AGAP1: variants seen among roughly 807,000 people sequenced by gnomAD.
AGAP1 encodes the protein ArfGAP with GTPase domain, ankyrin repeat and PH domain 1.
Under a neutral mutation model 105.3 loss-of-function variants are expected in AGAP1, and 29 were observed. The observed-to-expected ratio is 0.28, with a 90% CI of 0.21 to 0.38. AGAP1 has a LOEUF of 0.38. Among genes scored for constraint, AGAP1 ranks in the 10% least tolerant of loss-of-function variants. The probability of loss-of-function intolerance (pLI) is 1.00; values close to 1 mark genes in which losing one functional copy is unlikely to be tolerated. For missense variants in AGAP1, 998 were observed against 1,165.1 expected, an observed-to-expected ratio of 0.86 and a Z score of 2.09; for synonymous variants, 509 against 485.9, an observed-to-expected ratio of 1.05 and a Z score of -0.63.
At chr2:235,515,529 G>A (rs1942343329) in intron 1 of AGAP1, among the ~76,000 whole-genome samples, 1 of 152,172 alleles carries the variant, frequency 6.6e-6, no homozygotes, top group Admixed American at 6.5e-5. Flanking sequence ...GAAGGGCCTC[G>A]AGCTGTTCTG....
chr2:235,851,857 G>A (rs1373862614), intron 9 of AGAP1, among the ~76,000 whole-genome samples: 4 of 152,162 alleles, frequency 2.6e-5, no homozygotes, highest in African/African-American at 4.8e-5. Context: ...TCTGCAGTAC[G>A]CCAGAGGTAA....
chr2:235,834,691 C>T (rs963814194), intron 9 of AGAP1, among the ~76,000 whole-genome samples: 6 of 152,102 alleles, frequency 3.9e-5, no homozygotes, highest in Non-Finnish European at 7.4e-5. Context: ...GCGAGGTCCC[C>T]GTGAGAGGAT....
In AGAP1 at chr2:236,124,146, G is replaced by A. The variant is rs376283574; in HGVS notation, c.*24G>A. On this transcript the variant is annotated 3_prime_UTR_variant, in exon 18 of 18. Transcript: ENST00000304032. This position sits in a 1 kb window ranked among gnomAD's most constrained non-coding sequence, Gnocchi z 5.1. ...GAGGAACAGCCGTGCCCGCCTGCTC[G>A]CCGCACCTGGGACGCGGCAGCCTCG... 73 of 1,608,726 alleles carry A rather than the reference G, an allele frequency of 4.5e-5. No individual in the cohort carries two copies. Among genetic ancestry groups the A allele is most frequent in the Non-Finnish European group, 5.7e-5 (67 of 1,176,100 alleles).
In AGAP1 at chr2:235,874,376, C is replaced by T. The variant is rs898108388; in HGVS notation, c.1051-8969C>T. ...GAACCACATTCTTGAGCTGAGCTCC[C>T]GAGGGTACCTGGTGATGTAGAAGGA... On this transcript the variant is annotated intron_variant, in intron 9 of 17. Coordinates refer to ENST00000304032, the MANE Select transcript of AGAP1 (RefSeq NM_001037131.3). The surrounding 1 kb of genome is among the most constrained non-coding windows in gnomAD (Gnocchi z 4.5). Among the ~76,000 whole-genome samples the T allele has an allele frequency of 6.6e-6, 1 of 152,186 alleles. No individual in the cohort carries two copies. The highest frequency in any genetic ancestry group is 6.5e-5 in the Admixed American group (1 of 15,274).
chr2:235,750,452 A>G lies in AGAP1; in HGVS notation c.637A>G (p.Thr213Ala). The G allele has an allele frequency of 6.2e-7, 1 of 1,614,236 alleles. No homozygotes were observed. The highest frequency in any genetic ancestry group is 8.5e-7 in the Non-Finnish European group (1 of 1,180,030). The change falls in exon 6 of 18, where the codon ACA becomes GCA. Residue 213 changes from threonine to alanine, a missense_variant. Transcript: ENST00000304032. This position sits in a 1 kb window ranked among gnomAD's most constrained non-coding sequence, Gnocchi z 5.3. ...GTGCACGTACTACGAGACGTGTGCTACATACGGGCTGAATGTGGAGAGGGT... is the reference window on the plus strand; with the variant it reads ...GTGCACGTACTACGAGACGTGTGCTGCATACGGGCTGAATGTGGAGAGGGT... Reference protein sequence around the residue: ...KRCTYYETCATYGLNVERVFQ... With the variant: ...KRCTYYETCAAYGLNVERVFQ...
intron 1 of AGAP1, among the ~76,000 whole-genome samples, chr2:235,562,532 C>T (rs562547507): frequency 4.6e-5 from 7 of 151,400 alleles, no homozygotes; most frequent in Non-Finnish European, 5.9e-5. Context: ...CCCAGCAGTC[C>T]GGCTTCTCTC....
At chr2:235,568,630 C>A (rs1272288814) in intron 1 of AGAP1, among the ~76,000 whole-genome samples, 1 of 152,136 alleles carries the variant, frequency 6.6e-6, no homozygotes, top group Admixed American at 6.5e-5. Flanking sequence ...GAAGCAATTG[C>A]AGTTATTTCT....
At chr2:235,514,367 G>T (rs1278908252) in intron 1 of AGAP1, among the ~76,000 whole-genome samples, 3 of 152,276 alleles carry the variant, frequency 2.0e-5, no homozygotes, top group African/African-American at 7.2e-5. Flanking sequence ...TTTAGAAGGA[G>T]TCATGGAGGA....
intron 13 of AGAP1, among the ~76,000 whole-genome samples, chr2:235,980,158 T>G (rs1313392307): frequency 1.3e-5 from 2 of 152,138 alleles, no homozygotes; most frequent in African/African-American, 4.8e-5. Context: ...ATTCCACGCG[T>G]TTTTGATCAC....
At chr2:235,816,041 C>T (rs1202635356) in intron 9 of AGAP1, among the ~76,000 whole-genome samples, 6 of 152,284 alleles carry the variant, frequency 3.9e-5, no homozygotes, top group Non-Finnish European at 8.8e-5. Flanking sequence ...GCTCACTGTC[C>T]GTCAGTTGTG....
chr2:236,085,529 A>G (rs1320983319), intron 16 of AGAP1, among the ~76,000 whole-genome samples: 1 of 152,218 alleles, frequency 6.6e-6, no homozygotes, highest in Non-Finnish European at 1.5e-5. Flanking sequence ...ACAAAGAGCA[A>G]CAAACACTGT....
chr2:235,808,635 T>C (rs1957967507), intron 9 of AGAP1, among the ~76,000 whole-genome samples: 1 of 151,898 alleles, frequency 6.6e-6, no homozygotes, highest in Non-Finnish European at 1.5e-5. Flanking sequence ...AGCTTTCTCC[T>C]TCCGTGCTCA....
chr2:235,871,452 C>T (rs966465487), intron 9 of AGAP1, among the ~76,000 whole-genome samples: 3 of 152,160 alleles, frequency 2.0e-5, no homozygotes, highest in African/African-American at 7.2e-5. Context: ...GCTAATTGCC[C>T]TGCTGGTACC....
chr2:235,742,630 C>G (rs1000816536), intron 4 of AGAP1, among the ~76,000 whole-genome samples: 3 of 152,166 alleles, frequency 2.0e-5, no homozygotes, highest in Admixed American at 6.5e-5. Flanking sequence ...TCAGCTCTTT[C>G]TTAGTCCCAC....
Position 235,855,955 on chromosome 2 carries a change from C to T in AGAP1, c.1051-27390C>T, listed in dbSNP as rs977566332. On this transcript the variant is annotated intron_variant, in intron 9 of 17. Coordinates refer to ENST00000304032, the MANE Select transcript of AGAP1 (RefSeq NM_001037131.3). This position sits in a 1 kb window ranked among gnomAD's most constrained non-coding sequence, Gnocchi z 5.0. ...TTGAGATGGAGTCTCGCTCTGTCAC[C>T]CAGGCTGGAGTGCAATGGCATGATC... Among the ~76,000 whole-genome samples, 1 of 151,946 alleles carries T rather than the reference C, an allele frequency of 6.6e-6. No homozygotes were observed. Among genetic ancestry groups the T allele is most frequent in the Middle Eastern group, 3.2e-3 (1 of 316 alleles).
intron 1 of AGAP1, among the ~76,000 whole-genome samples, chr2:235,591,988 C>T (rs763776905): frequency 7.2e-5 from 11 of 152,178 alleles, no homozygotes; most frequent in Non-Finnish European, 1.5e-4. Context: ...CCTGTATAGC[C>T]TTCAGGACCA....
At chr2:235,932,790 C>T (rs1052366419) in intron 12 of AGAP1, among the ~76,000 whole-genome samples, 1 of 152,234 alleles carries the variant, frequency 6.6e-6, no homozygotes, top group African/African-American at 2.4e-5. Flanking sequence ...GTGGGCGTTT[C>T]CACACCGCCA....
At chr2:235,763,073 C>CTGTGTGTGTGTGTGTGTGT (rs1411019322) in intron 6 of AGAP1, among the ~76,000 whole-genome samples, 1 of 148,772 alleles carries the variant, frequency 6.7e-6, no homozygotes, top group African/African-American at 2.6e-5. Context: ...CGCGCGCACA[C>CTGTGTGTGTGTGTGTGTGT]GTGCACCTGC....
chr2:235,746,105 G>C (rs1952908097), intron 5 of AGAP1, among the ~76,000 whole-genome samples: 1 of 152,038 alleles, frequency 6.6e-6, no homozygotes, highest in South Asian at 2.1e-4. Flanking sequence ...CAGCCTGGGT[G>C]ACAGAGTGAG....
Sources: gnomAD v4.1 joint callset for allele counts (sites outside exome capture counted in the v4.1 genomes callset) on GRCh38, gnomAD v4.1.1 for gene constraint, Gnocchi (gnomAD v3.1) non-coding constraint, MANE v1.5 for transcripts, NCBI Gene and HGNC (gene_info 2026-07-23, HGNC 2026-07-21) for gene names.